The following SATB1 variants were observed in gnomAD, a reference collection of about 807,000 sequenced individuals.
The protein encoded by SATB1 is SATB homeobox 1, also known as DNA-binding protein SATB1.
In SATB1, 11 loss-of-function variants were observed where a neutral mutation model predicts 86.9. The ratio of observed to expected loss-of-function variants is 0.13; its 90% CI spans 0.08 to 0.21. SATB1 has a LOEUF of 0.21. SATB1 is among the 10% of genes least tolerant of loss of function. SATB1 has a pLI of 1.00. For missense variants in SATB1, 551 were observed against 937.6 expected, an observed-to-expected ratio of 0.59 and a Z score of 5.39; for synonymous variants, 357 against 357.2, an observed-to-expected ratio of 1.00 and a Z score of 0.01.
At chr3:18,431,077 T>C (rs1050174898) in intron 2 of SATB1, among the ~76,000 whole-genome samples, 12 of 152,190 alleles carry the variant, frequency 7.9e-5, no homozygotes, top group Non-Finnish European at 1.5e-4. Context: ...GGATCACTTA[T>C]TTGACAGGGC....
intron 7 of SATB1, among the ~76,000 whole-genome samples, chr3:18,393,989 A>AAAC (rs371402760): frequency 1.0e-4 from 9 of 88,228 alleles, no homozygotes; most frequent in South Asian, 2.9e-4. Context: ...TAACAACAAC[A>AAAC]AACAACAACA....
At position 18,444,616 on chromosome 3, in the gene SATB1, G is replaced by A; in HGVS notation, c.-25+902C>T. On this transcript the variant is annotated intron_variant, in intron 1 of 3. Coordinates refer to the SATB1 transcript ENST00000415069. This position sits in a 1 kb window ranked among gnomAD's most constrained non-coding sequence, Gnocchi z 5.1. ...AAAGAGCAGAACTCACTCAGGCATG[G>A]ACGTTGGGGGCGGCGGTGGCTGTCG... is the stretch of plus-strand genomic sequence containing the variant. 2.0e-6 allele frequency: 2 copies of A among 985,474 alleles called. No homozygotes were observed. Among genetic ancestry groups the A allele is most frequent in the Non-Finnish European group, 2.4e-6 (2 of 830,046 alleles). The allele number at this position is 985,474 out of a possible 1,614,324, so 61.0% of individuals were successfully genotyped here.
intron 1 of SATB1, among the ~76,000 whole-genome samples, chr3:18,421,798 A>G (rs764542151): frequency 5.9e-5 from 9 of 151,954 alleles, no homozygotes; most frequent in Non-Finnish European, 1.0e-4. Context: ...AAAAAATTGA[A>G]TACACTTCGT....
chr3:18,382,707 GAT>G (rs1458606131), intron 8 of SATB1, among the ~76,000 whole-genome samples: 1 of 152,160 alleles, frequency 6.6e-6, no homozygotes, highest in Non-Finnish European at 1.5e-5. Context: ...TTCCCAACTG[GAT>G]AATTTGTCAA....
At chr3:18,396,206 C>A (rs1233692975) in intron 6 of SATB1, among the ~76,000 whole-genome samples, 1 of 151,740 alleles carries the variant, frequency 6.6e-6, no homozygotes, top group African/African-American at 2.4e-5. Flanking sequence ...GCAAAGAATC[C>A]ATTTTGGTAG....
rs1694179039 is a variant in SATB1, at chr3:18,348,578, AAGTAC to A, written c.*587_*591del. 6.6e-6 allele frequency: 1 copy of A among 152,648 alleles called. No individual in the cohort carries two copies. Among genetic ancestry groups the A allele is most frequent in the Non-Finnish European group, 1.5e-5 (1 of 68,038 alleles). 9.5% of individuals were successfully genotyped at this position (152,648 alleles called of 1,614,324 possible). A position where few individuals can be genotyped will look rare whatever the true frequency, so the allele number is the denominator to read the frequency against. ...TCATGTAACAATGAGAATGAAAAAA[AAGTAC>A]AGTGAACTTTTATTTCCAAAATAAA... is the stretch of plus-strand genomic sequence containing the variant. On this transcript the variant is annotated 3_prime_UTR_variant, in exon 11 of 11. Transcript: ENST00000338745.
intron 6 of SATB1, among the ~76,000 whole-genome samples, 170 bp downstream of exon 6, chr3:18,397,009 T>G (rs1022269312): frequency 5.3e-5 from 8 of 152,166 alleles, no homozygotes; most frequent in Non-Finnish European, 5.9e-5. Flanking sequence ...AAACATTTAT[T>G]GAATTTAATT....
chr3:18,396,516 C>T (rs1696971937), intron 6 of SATB1, among the ~76,000 whole-genome samples: 1 of 152,164 alleles, frequency 6.6e-6, no homozygotes, highest in Non-Finnish European at 1.5e-5. Flanking sequence ...AGGTACCATA[C>T]ACAACTTTTA....
intron 5 of SATB1, among the ~76,000 whole-genome samples, chr3:18,401,782 T>C (rs1396026464): frequency 6.6e-6 from 1 of 152,134 alleles, no homozygotes; most frequent in Non-Finnish European, 1.5e-5. Context: ...TAAGCTTTTC[T>C]AAGATCCATA....
At position 18,372,847 on chromosome 3, in the gene SATB1, T is replaced by A. The variant is rs544297168; in HGVS notation, c.1575+5323A>T. On this transcript the variant is annotated intron_variant, in intron 9 of 10. Transcript: ENST00000338745. ...TTCCCAACATTAAGATGTAAGAGATTGTTATAAATGGCCACTAATATAGAA... is the reference window on the plus strand; with the variant it reads ...TTCCCAACATTAAGATGTAAGAGATAGTTATAAATGGCCACTAATATAGAA... Among the ~76,000 whole-genome samples the A allele has an allele frequency of 1.1e-4, 16 of 152,290 alleles. No individual in the cohort carries two copies. The South Asian group carries it at 3.3e-3, about 32-fold the overall frequency.
At chr3:18,401,264 CCTT>C (rs1697250754) in intron 5 of SATB1, among the ~76,000 whole-genome samples, 1 of 152,180 alleles carries the variant, frequency 6.6e-6, no homozygotes, top group Non-Finnish European at 1.5e-5. Context: ...ATCCTCTTCC[CCTT>C]TTTTCCCCTT....
chr3:18,445,190 C>T (rs962917796), intron 1 of SATB1: 2 of 978,382 alleles, frequency 2.0e-6, no homozygotes, highest in Non-Finnish European at 1.2e-6. Context: ...GCCCGGCCCG[C>T]CTCCCCAGCG....
upstream of SATB1, among the ~76,000 whole-genome samples, chr3:18,428,977 A>C (rs938309673): frequency 1.3e-5 from 2 of 152,242 alleles, no homozygotes; most frequent in Non-Finnish European, 2.9e-5. Context: ...GCTTACCACC[A>C]TAACACTTTC....
intron 9 of SATB1, among the ~76,000 whole-genome samples, chr3:18,371,625 A>G (rs956089769): frequency 2.0e-5 from 3 of 152,192 alleles, no homozygotes; most frequent in African/African-American, 4.8e-5. Context: ...TTTTAATGGT[A>G]CAGTTTCTTC....
chr3:18,411,502 G>C (rs1697841059), intron 5 of SATB1, among the ~76,000 whole-genome samples: 1 of 151,756 alleles, frequency 6.6e-6, no homozygotes, highest in Middle Eastern at 3.4e-3. Context: ...TAAAACTCCA[G>C]GGAAAATAAG....
intron 2 of SATB1, 100 bp from the exon 3 acceptor site, chr3:18,417,178 C>G: frequency 1.6e-6 from 2 of 1,223,794 alleles, no homozygotes; most frequent in South Asian, 1.3e-5. Flanking sequence ...AATAAATAAT[C>G]ACAAGAGATT....
chr3:18,382,146 A>T (rs1696097614), intron 8 of SATB1, among the ~76,000 whole-genome samples: 1 of 152,212 alleles, frequency 6.6e-6, no homozygotes, highest in African/African-American at 2.4e-5. Context: ...GAGACAAAAT[A>T]GTGCAACTAC....
intron 9 of SATB1, among the ~76,000 whole-genome samples, chr3:18,358,729 T>C (rs949617071): frequency 2.6e-5 from 4 of 152,026 alleles, no homozygotes. Flanking sequence ...TTTCTGATAC[T>C]CATATTTGCT....
At chr3:18,383,995 T>C (rs1277294567) in intron 8 of SATB1, among the ~76,000 whole-genome samples, 3 of 152,262 alleles carry the variant, frequency 2.0e-5, no homozygotes. Flanking sequence ...ATTTTGGAGT[T>C]TGGTTAGATG....
Sources: allele counts gnomAD v4.1 joint callset (sites outside exome capture counted in the v4.1 genomes callset), GRCh38; gene constraint gnomAD v4.1.1; non-coding constraint Gnocchi (gnomAD v3.1); transcripts MANE v1.5; gene names NCBI Gene and HGNC (gene_info 2026-07-23, HGNC 2026-07-21).